Variants in SLC25A21 observed in about 807,000 individuals in gnomAD.
The protein encoded by SLC25A21 is solute carrier family 25 member 21, also known as mitochondrial 2-oxodicarboxylate carrier.
A neutral mutation model predicts 43.8 loss-of-function variants in SLC25A21; 47 were observed. The observed-to-expected ratio is 1.07, with a 90% CI of 0.85 to 1.37. The LOEUF (loss-of-function observed/expected upper bound fraction) is 1.37. Ranked by LOEUF, SLC25A21 falls within the 40% of genes most tolerant of loss-of-function variation. SLC25A21 has a pLI of 0.00. For missense variants in SLC25A21, 352 were observed against 350.2 expected (o/e 1.00, Z -0.04); for synonymous variants, 131 against 121.3 (o/e 1.08, Z -0.52).
intron 1 of SLC25A21, among the ~76,000 whole-genome samples, chr14:36,969,669 A>T (rs189548173): frequency 1.1e-4 from 16 of 151,270 alleles, no homozygotes; most frequent in African/African-American, 3.4e-4. Flanking sequence ...AAAAAAAAAA[A>T]TTTATGGAGA....
chr14:37,100,153 G>A (rs1221894117), intron 1 of SLC25A21, among the ~76,000 whole-genome samples: 1 of 152,050 alleles, frequency 6.6e-6, no homozygotes, highest in Non-Finnish European at 1.5e-5. Flanking sequence ...TCGCCTCCCA[G>A]GTTCAAGAGG....
At chr14:36,701,751 T>C (rs1883288058) in intron 7 of SLC25A21, among the ~76,000 whole-genome samples, 1 of 152,196 alleles carries the variant, frequency 6.6e-6, no homozygotes, top group Admixed American at 6.5e-5. Flanking sequence ...TTGAGTATTA[T>C]ATAGAATACA....
chr14:37,160,644 T>C (rs1392150752), intron 1 of SLC25A21, among the ~76,000 whole-genome samples: 1 of 151,880 alleles, frequency 6.6e-6, no homozygotes, highest in African/African-American at 2.4e-5. Flanking sequence ...TAGAAATAAA[T>C]TCAGGCCAGG....
At chr14:36,967,604 C>T (rs758125150) in intron 1 of SLC25A21, among the ~76,000 whole-genome samples, 6 of 152,212 alleles carry the variant, frequency 3.9e-5, no homozygotes, top group Non-Finnish European at 8.8e-5. Context: ...AAAAGCACCT[C>T]ACACTATTAG....
intron 3 of SLC25A21, among the ~76,000 whole-genome samples, chr14:36,802,148 C>T (rs1887889982): frequency 6.6e-6 from 1 of 152,078 alleles, no homozygotes; most frequent in African/African-American, 2.4e-5. Flanking sequence ...TTAATGATAC[C>T]ATGGGTGTCG....
intron 1 of SLC25A21, among the ~76,000 whole-genome samples, chr14:37,064,922 C>G (rs1443770674): frequency 6.6e-6 from 1 of 152,154 alleles, no homozygotes; most frequent in African/African-American, 2.4e-5. Context: ...TGACACACAT[C>G]TGTTAAGGGC....
chr14:36,723,993 T>C lies in SLC25A21; in HGVS notation c.438+1577A>G, dbSNP rs372495090. Among the ~76,000 whole-genome samples, 17 of 152,206 alleles carry C rather than the reference T, an allele frequency of 1.1e-4. No homozygotes were observed. The East Asian group carries it at 1.2e-3, about 10-fold the overall frequency. On this transcript the variant is annotated intron_variant, in intron 6 of 9. Transcript: ENST00000331299. ...TTCTAACTGGTAATTCTCCCAGTCC[T>C]ACAAACCAAGTTTTCCTTAAGCAGA...
intron 3 of SLC25A21, among the ~76,000 whole-genome samples, chr14:36,747,953 TGAGG>T (rs1275239065): frequency 6.6e-6 from 1 of 152,208 alleles, no homozygotes; most frequent in Non-Finnish European, 1.5e-5. Flanking sequence ...TTGAGACTAT[TGAGG>T]GAGGGATATG....
chr14:37,103,727 TA>T (rs1006351826), intron 1 of SLC25A21, among the ~76,000 whole-genome samples: 1 of 152,150 alleles, frequency 6.6e-6, no homozygotes, highest in Non-Finnish European at 1.5e-5. Flanking sequence ...CTAATCTGAC[TA>T]TCCAAAAGTC....
chr14:36,709,477 T>C (rs903375809), intron 7 of SLC25A21, among the ~76,000 whole-genome samples: 3 of 152,178 alleles, frequency 2.0e-5, no homozygotes, highest in East Asian at 1.9e-4. Flanking sequence ...TTTCTATATC[T>C]TGACAAGAGA....
intron 3 of SLC25A21, among the ~76,000 whole-genome samples, chr14:36,744,859 TTTTC>T (rs1348826116): frequency 2.2e-5 from 2 of 92,032 alleles, no homozygotes; most frequent in Non-Finnish European, 4.0e-5. Flanking sequence ...GAACAGGCAT[TTTTC>T]TTTTTTTTTA....
intron 2 of SLC25A21, among the ~76,000 whole-genome samples, chr14:36,849,740 T>A (rs754149608): frequency 6.6e-6 from 1 of 152,180 alleles, no homozygotes; most frequent in Non-Finnish European, 1.5e-5. Flanking sequence ...GAAAATCAGT[T>A]ACCCACTGCT....
intron 3 of SLC25A21, among the ~76,000 whole-genome samples, chr14:36,772,896 T>C (rs1037353620): frequency 1.3e-5 from 2 of 152,146 alleles, no homozygotes; most frequent in Non-Finnish European, 2.9e-5. Flanking sequence ...CACAGTAAAA[T>C]AAAAGCATAA....
chr14:36,922,634 C>A (rs1332308604), intron 1 of SLC25A21, among the ~76,000 whole-genome samples: 2 of 151,896 alleles, frequency 1.3e-5, no homozygotes, highest in Non-Finnish European at 1.5e-5. Flanking sequence ...GCTAAAATAT[C>A]CTCAGAGCTC....
chr14:36,953,321 A>G (rs1262075173), intron 1 of SLC25A21, among the ~76,000 whole-genome samples: 1 of 152,232 alleles, frequency 6.6e-6, no homozygotes, highest in Non-Finnish European at 1.5e-5. Context: ...AGCCCAAAAG[A>G]TTCACATTGT....
chr14:36,874,202 C>T (rs1890453164), intron 2 of SLC25A21, among the ~76,000 whole-genome samples: 1 of 152,182 alleles, frequency 6.6e-6, no homozygotes, highest in Non-Finnish European at 1.5e-5. Context: ...GTTTCTTTAA[C>T]CACCATTATT....
At chr14:37,012,076 C>T (rs185828528) in intron 1 of SLC25A21, among the ~76,000 whole-genome samples, 16 of 152,290 alleles carry the variant, frequency 1.1e-4, no homozygotes, top group Non-Finnish European at 1.3e-4. Flanking sequence ...TATGCTCTGA[C>T]TATGCCTATC....
rs114893998 is a variant in SLC25A21, at chr14:36,864,137, T to G, written c.119+10819A>C. Among the ~76,000 whole-genome samples, 1,246 of 152,214 alleles carry G rather than the reference T, an allele frequency of 8.2e-3. 18 individuals carry two copies. Among genetic ancestry groups the G allele is most frequent in the African/African-American group, 0.028 (1,162 of 41,482 alleles). On this transcript the variant is annotated intron_variant, in intron 2 of 9. Coordinates refer to ENST00000331299, the MANE Select transcript of SLC25A21 (RefSeq NM_030631.4). ...TCTGTAATACTGCAAAAAGTAAGATTATTTTCTCTTCGTTTTAGGGTCATT... is the reference window on the plus strand; with the variant it reads ...TCTGTAATACTGCAAAAAGTAAGATGATTTTCTCTTCGTTTTAGGGTCATT...
Position 37,139,774 on chromosome 14 carries a change from G to T in SLC25A21, c.70+32507C>A, listed in dbSNP as rs1040473510. Among the ~76,000 whole-genome samples, 6 of 152,170 alleles carry T rather than the reference G, an allele frequency of 3.9e-5. No homozygotes were observed. In the East Asian group the frequency reaches 1.2e-3, roughly 29 times the overall value. On this transcript the variant is annotated intron_variant, in intron 1 of 9. Coordinates refer to ENST00000331299, the MANE Select transcript of SLC25A21 (RefSeq NM_030631.4). ...TTCAAGACTTTATAATCATCAAAAA[G>T]TCAGTGTATTTCTTAAATGATTAAT... is the stretch of plus-strand genomic sequence containing the variant.
Sources: allele counts gnomAD v4.1 joint callset (sites outside exome capture counted in the v4.1 genomes callset), GRCh38; gene constraint gnomAD v4.1.1; transcripts MANE v1.5; gene names NCBI Gene and HGNC (gene_info 2026-07-23, HGNC 2026-07-21).